PLXNA1: variants seen among roughly 807,000 people sequenced by gnomAD.
The protein encoded by PLXNA1 is plexin-A1.
In PLXNA1, 77 loss-of-function variants were observed where a neutral mutation model predicts 191.7. The ratio of observed to expected loss-of-function variants is 0.40; its 90% CI spans 0.33 to 0.49. The LOEUF is 0.49. Ranked by LOEUF, PLXNA1 falls within the 20% of genes least tolerant of loss-of-function variation. The pLI is 0.63. For missense variants in PLXNA1, 2,110 were observed against 2,660.2 expected, an observed-to-expected ratio of 0.79 and a Z score of 4.55; for synonymous variants, 1,137 against 1,156.4, an observed-to-expected ratio of 0.98 and a Z score of 0.34.
intron 20 of PLXNA1, among the ~76,000 whole-genome samples, chr3:127,019,582 C>T (rs999960489): frequency 6.6e-6 from 1 of 152,222 alleles, no homozygotes; most frequent in African/African-American, 2.4e-5. Flanking sequence ...GACGAAGACT[C>T]CAGCTCTTAA....
At position 127,003,423 on chromosome 3, in the gene PLXNA1, G is replaced by C. The variant is rs148689550; in HGVS notation, c.1471G>C (p.Val491Leu). ...GGGCAGCCCCATCCTGCGAGACCTC[G>C]TCCTCAGCCCCAACCACCAGTACCT... ...QEGSPILRDL[V>L]LSPNHQYLYA... The change falls in exon 4 of 32, where the codon GTC (valine) becomes CTC (leucine). Residue 491 changes from valine (V) to leucine (L), a missense_variant. Coordinates refer to ENST00000393409, the MANE Select transcript of PLXNA1 (RefSeq NM_032242.4). 6.2e-7 allele frequency: 1 copy of C among 1,612,330 alleles called. No individual in the cohort carries two copies. Among genetic ancestry groups the C allele is most frequent in the Admixed American group, 1.7e-5 (1 of 59,984 alleles).
intron 29 of PLXNA1, among the ~76,000 whole-genome samples, chr3:127,031,691 G>A (rs2079212143): frequency 6.6e-6 from 1 of 152,212 alleles, no homozygotes; most frequent in South Asian, 2.1e-4. Context: ...GGATTTAAAT[G>A]AAGTGTCACG....
Position 127,015,227 on chromosome 3 carries a change from CAG to C in PLXNA1, c.2922_2923del (p.Gly976HisfsTer15), listed in dbSNP as rs1347869184. ...GTGAGCCCCTCCCGTGGGCCTCTGT[CAG>C]GGGGCACCTGGATTGGCATCGAGGG... On this transcript the variant is annotated frameshift_variant, in exon 15 of 32. Coordinates refer to ENST00000393409, the MANE Select transcript of PLXNA1 (RefSeq NM_032242.4). LOFTEE classifies it high-confidence loss of function. The C allele has an allele frequency of 6.2e-7, 1 of 1,613,576 alleles. No individual in the cohort carries two copies. Among genetic ancestry groups the C allele is most frequent in the African/African-American group, 1.3e-5 (1 of 75,020 alleles).
At chr3:126,999,573 C>T (rs1429963624) in intron 3 of PLXNA1, among the ~76,000 whole-genome samples, 1 of 152,238 alleles carries the variant, frequency 6.6e-6, no homozygotes, top group Non-Finnish European at 1.5e-5. Context: ...CCTCCCGGCA[C>T]CCCCGCCTGC....
At position 127,014,349 on chromosome 3, in the gene PLXNA1, C is replaced by T; in HGVS notation, c.2578C>T (p.Arg860Cys). 4 of 1,594,326 alleles carry T rather than the reference C, an allele frequency of 2.5e-6. No individual in the cohort carries two copies. The highest frequency in any genetic ancestry group is 3.4e-6 in the Non-Finnish European group (4 of 1,176,618). Residue 860 changes from arginine to cysteine, a missense_variant, in exon 12 of 32, where the codon CGC (arginine) becomes TGC (cysteine). Arg to Cys is a radical substitution (Grantham distance 180). Transcript: ENST00000393409. ...GATGCACGCGCGTCACGGCAGCAGT[C>T]GCTGCACCGACCCCAAGATCCTCAA... ...SWMHARHGSS[R>C]CTDPKILKLS...
chr3:127,011,866 C>T (rs2079097256), intron 9 of PLXNA1, 92 bp from the exon 10 acceptor site: 1 of 1,233,724 alleles, frequency 8.1e-7, no homozygotes, highest in Non-Finnish European at 1.2e-6. Context: ...GCTGGGAGCA[C>T]CACAGGCCCA....
Position 127,020,252 on chromosome 3 carries a change from G to A in PLXNA1, c.3946G>A (p.Gly1316Ser), listed in dbSNP as rs750147010. 8.7e-6 allele frequency: 14 copies of A among 1,613,094 alleles called. No homozygotes were observed. Among genetic ancestry groups the A allele is most frequent in the Middle Eastern group, 1.6e-4 (1 of 6,078 alleles). ...DIHELTNDLDGAGIPFLDYRT... is the reference protein window; with the variant it reads ...DIHELTNDLDSAGIPFLDYRT... Reference sequence around the variant, plus strand: ...CCACGAGCTGACCAATGACCTGGACGGTGCCGGCATCCCCTTCCTTGACTA... The same window carrying A: ...CCACGAGCTGACCAATGACCTGGACAGTGCCGGCATCCCCTTCCTTGACTA... The change falls in exon 21 of 32, where the codon GGT becomes AGT. Residue 1316 changes from glycine to serine, a missense_variant. Gly to Ser is a moderately conservative substitution (Grantham distance 56, BLOSUM62 0). Around this residue, in one of 4 missense-constraint regions of PLXNA1, gnomAD observed 559 missense variants for 911.5 expected, o/e 0.61. Coordinates refer to ENST00000393409, the MANE Select transcript of PLXNA1 (RefSeq NM_032242.4).
chr3:127,013,838 C>T (rs540935239), intron 10 of PLXNA1, among the ~76,000 whole-genome samples, 182 bp from the exon 11 acceptor site: 15 of 152,156 alleles, frequency 9.9e-5, no homozygotes, highest in Non-Finnish European at 2.2e-4. Flanking sequence ...TGGTTGCTAG[C>T]CTGGAGAGAG....
In PLXNA1 at chr3:127,035,828, A is replaced by G. The variant is rs1559969042; in HGVS notation, c.*1811A>G. On this transcript the variant is annotated 3_prime_UTR_variant, in exon 32 of 32. Coordinates refer to ENST00000393409, the MANE Select transcript of PLXNA1 (RefSeq NM_032242.4). ...TGAGTAGCGTGAGCCAGATGACGCC[A>G]CAGAGACCCGCCTCTTCCCTGAACG... 6.6e-6 allele frequency: 1 copy of G among 152,212 alleles called. No individual in the cohort carries two copies. Among genetic ancestry groups the G allele is most frequent in the Admixed American group, 6.5e-5 (1 of 15,290 alleles). 9.4% of individuals were successfully genotyped at this position (152,212 alleles called of 1,614,324 possible). A position where few individuals can be genotyped will look rare whatever the true frequency, so the allele number is the denominator to read the frequency against.
At chr3:126,992,704 G>T (rs1173363038) in intron 3 of PLXNA1, among the ~76,000 whole-genome samples, 1 of 152,064 alleles carries the variant, frequency 6.6e-6, no homozygotes, top group Non-Finnish European at 1.5e-5. Flanking sequence ...GGGTGGGGGT[G>T]CCCTGGGGTC....
intron 3 of PLXNA1, among the ~76,000 whole-genome samples, chr3:127,002,206 C>T (rs1016944776): frequency 6.6e-6 from 1 of 152,222 alleles, no homozygotes; most frequent in African/African-American, 2.4e-5. Flanking sequence ...CCATCCTGGC[C>T]GCCTCTTCCC....
chr3:127,034,793 G>T lies in PLXNA1; in HGVS notation c.*776G>T, dbSNP rs918218887. ...GGGCTGTGCCTCTGGGAGCCACTGGGCCAGGGGCCCCGGGTCGCAGAGAGC... is the reference window on the plus strand; with the variant it reads ...GGGCTGTGCCTCTGGGAGCCACTGGTCCAGGGGCCCCGGGTCGCAGAGAGC... On this transcript the variant is annotated 3_prime_UTR_variant, in exon 32 of 32. Coordinates refer to ENST00000393409, the MANE Select transcript of PLXNA1 (RefSeq NM_032242.4). 1.3e-5 allele frequency: 2 copies of T among 152,692 alleles called. No homozygotes were observed. The highest frequency in any genetic ancestry group is 4.8e-5 in the African/African-American group (2 of 41,474). The allele number at this position is 152,692 out of a possible 1,614,324, so 9.5% of individuals were successfully genotyped here.
intron 1 of PLXNA1, among the ~76,000 whole-genome samples, chr3:126,987,693 T>C (rs558080643): frequency 6.6e-6 from 1 of 150,880 alleles, no homozygotes; most frequent in East Asian, 2.0e-4. Flanking sequence ...GGTGTGAGGC[T>C]GGGAGCAGGA....
At chr3:127,026,591 A>G (rs1189831381) in intron 23 of PLXNA1, 1 of 152,262 alleles carries the variant, frequency 6.6e-6, no homozygotes, top group Non-Finnish European at 1.5e-5. Context: ...TAACTTAATG[A>G]AACCAAGTTT....
chr3:127,030,621 G>A (rs2079204628), intron 29 of PLXNA1, among the ~76,000 whole-genome samples: 2 of 152,216 alleles, frequency 1.3e-5, no homozygotes, highest in Non-Finnish European at 2.9e-5. Context: ...CTCTGCTCCA[G>A]CCGCTGAGCC....
intron 4 of PLXNA1, among the ~76,000 whole-genome samples, 185 bp from the exon 5 acceptor site, chr3:127,004,426 G>A (rs1174455899): frequency 6.6e-6 from 1 of 152,208 alleles, no homozygotes; most frequent in Non-Finnish European, 1.5e-5. Context: ...GGTTTCCAGG[G>A]CAGAGGCCTG....
chr3:126,992,255 G>GGTGGGCACCAGGCTGGCCTGGT (rs2078994474), intron 3 of PLXNA1, among the ~76,000 whole-genome samples: 1 of 152,174 alleles, frequency 6.6e-6, no homozygotes, highest in African/African-American at 2.4e-5. Context: ...CCTGGGCTGG[G>GGTGGGCACCAGGCTGGCCTGGT]GTGGGCACCA....
rs1456183752 is a variant in PLXNA1 at position 127,029,914 on chromosome 3, C to T, written c.4911C>T (p.Arg1637=). 2 of 1,612,916 alleles carry T rather than the reference C, an allele frequency of 1.2e-6. No individual in the cohort carries two copies. Among genetic ancestry groups the T allele is most frequent in the East Asian group, 2.2e-5 (1 of 44,880 alleles). Residue 1637 remains arginine (R), a synonymous_variant, in exon 28 of 32, where the codon CGC becomes CGT. Coordinates refer to ENST00000393409, the MANE Select transcript of PLXNA1 (RefSeq NM_032242.4). ...LRTASSPDSL[R]SRTPMITPDL... ...CGGCCAGCAGCCCCGACAGCCTGCGCTCGCGCACGCCCATGATCACGCCCG... is the reference window on the plus strand; with the variant it reads ...CGGCCAGCAGCCCCGACAGCCTGCGTTCGCGCACGCCCATGATCACGCCCG...
At chr3:126,987,764 G>A (rs552116795) in intron 1 of PLXNA1, among the ~76,000 whole-genome samples, 25 of 152,264 alleles carry the variant, frequency 1.6e-4, no homozygotes, top group African/African-American at 6.0e-4. Flanking sequence ...CTGGGAAGGG[G>A]CCGTGTGGCG....
Sources: allele counts gnomAD v4.1 joint callset (sites outside exome capture counted in the v4.1 genomes callset), GRCh38; gene constraint gnomAD v4.1.1; regional missense constraint gnomAD v4.1.1; transcripts MANE v1.5; gene names NCBI Gene and HGNC (gene_info 2026-07-23, HGNC 2026-07-21).